The following GLRX5 variants were observed in gnomAD, a reference collection of about 807,000 sequenced individuals.
The protein encoded by GLRX5 is glutaredoxin-related protein 5, mitochondrial.
GLRX5 carries 10 observed loss-of-function variants against 13.8 expected under a neutral mutation model. The observed-to-expected ratio is 0.72, with a 90% confidence interval of 0.45 to 1.23. The LOEUF (loss-of-function observed/expected upper bound fraction) is 1.23, where lower values mean the gene tolerates loss of function less well. GLRX5 is among the 50% of genes most tolerant of loss of function. The pLI is 0.00. For synonymous variants in GLRX5, 98 were observed against 101.1 expected (o/e 0.97, Z 0.18); for missense variants, 233 against 215.2 (o/e 1.08, Z -0.52).
rs753153633 is a variant in GLRX5, at chr14:95,535,212, G to A, written c.123G>A (p.Ser41=). The A allele has an allele frequency of 5.9e-6, 9 of 1,527,818 alleles. No individual in the cohort carries two copies. The highest frequency in any genetic ancestry group is 2.1e-5 in the Admixed American group (1 of 48,312). 94.6% of individuals were successfully genotyped at this position (1,527,818 alleles called of 1,614,324 possible). A position where few individuals can be genotyped will look rare whatever the true frequency, so the allele number is the denominator to read the frequency against. The change falls in exon 1 of 2, where the codon TCG becomes TCA. Residue 41 remains serine, a synonymous_variant. Transcript: ENST00000331334. ...AAGSGAGGGG[S]AEQLDALVKK... is the part of the protein sequence containing the mutation. ...GCTCGGGCGCGGGCGGCGGCGGCTC[G>A]GCGGAGCAGTTGGACGCGCTGGTGA...
At chr14:95,535,967 G>C (rs1891369896) in intron 1 of GLRX5, among the ~76,000 whole-genome samples, 1 of 152,166 alleles carries the variant, frequency 6.6e-6, no homozygotes, top group South Asian at 2.1e-4. Flanking sequence ...GCAAAGGGTT[G>C]GGACAGCTGT....
At chr14:95,541,435 G>C (rs1566704630) in intron 1 of GLRX5, among the ~76,000 whole-genome samples, 3 of 152,282 alleles carry the variant, frequency 2.0e-5, no homozygotes, top group South Asian at 4.1e-4. Context: ...ATTAAGAAGG[G>C]TGCCAACGTT....
intron 1 of GLRX5, among the ~76,000 whole-genome samples, chr14:95,538,083 T>A (rs1049008436): frequency 5.3e-5 from 6 of 112,968 alleles, no homozygotes; most frequent in African/African-American, 1.7e-4. Flanking sequence ...AACATTTAGA[T>A]CTAGTTCCTA....
intron 1 of GLRX5, among the ~76,000 whole-genome samples, chr14:95,537,802 T>C (rs1004928942): frequency 3.9e-5 from 6 of 152,234 alleles, no homozygotes; most frequent in Non-Finnish European, 8.8e-5. Flanking sequence ...AGGAGTGTGA[T>C]ACAGACACAT....
At chr14:95,543,341 T>TTA (rs33934790) in intron 1 of GLRX5, 7 of 315,730 alleles carry the variant, frequency 2.2e-5, no homozygotes, top group South Asian at 4.9e-5. Flanking sequence ...TGTTAAAAAT[T>TTA]AAAAAAAAAA....
At chr14:95,537,148 T>C (rs970299771) in intron 1 of GLRX5, among the ~76,000 whole-genome samples, 2 of 152,252 alleles carry the variant, frequency 1.3e-5, no homozygotes, top group African/African-American at 2.4e-5. Context: ...TAGTATCATG[T>C]TTCGAGGGTC....
chr14:95,535,361 T>C lies in GLRX5; in HGVS notation c.272T>C (p.Leu91Pro). The part of the protein sequence containing the change: ...GVRDYAAYNV[L>P]DDPELRQGIK... ...CGCGATTACGCGGCCTACAACGTGC[T>C]GGACGACCCGGAGCTCCGACAAGGT... Residue 91 changes from leucine (L) to proline (P), a missense_variant, in exon 1 of 2, where the codon CTG becomes CCG. Transcript: ENST00000331334. 2 of 1,552,172 alleles carry C rather than the reference T, an allele frequency of 1.3e-6. No homozygotes were observed. The highest frequency in any genetic ancestry group is 8.7e-7 in the Non-Finnish European group (1 of 1,148,120).
chr14:95,536,125 T>G (rs1891373557), intron 1 of GLRX5, among the ~76,000 whole-genome samples: 1 of 152,164 alleles, frequency 6.6e-6, no homozygotes, highest in Admixed American at 6.5e-5. Context: ...GGCCCTGGGC[T>G]AACTCACTGG....
At chr14:95,536,052 C>T (rs1805554986) in intron 1 of GLRX5, among the ~76,000 whole-genome samples, 1 of 152,176 alleles carries the variant, frequency 6.6e-6, no homozygotes, top group Admixed American at 6.5e-5. Context: ...AAGCACAGGG[C>T]TGAATTTATG....
At chr14:95,539,343 T>C (rs143861510) in intron 1 of GLRX5, among the ~76,000 whole-genome samples, 3 of 152,312 alleles carry the variant, frequency 2.0e-5, no homozygotes, top group South Asian at 2.1e-4. Flanking sequence ...GGGATCTTGG[T>C]CTATTAGCAG....
intron 1 of GLRX5, among the ~76,000 whole-genome samples, chr14:95,538,519 G>A (rs1163854596): frequency 1.3e-5 from 2 of 152,222 alleles, no homozygotes; most frequent in Non-Finnish European, 2.9e-5. Flanking sequence ...TGGATAACAA[G>A]TTGTGTGTAT....
chr14:95,543,907 T>G (rs1340947356), intron 1 of GLRX5, 40 bp from the exon 2 acceptor site: 12 of 1,560,102 alleles, frequency 7.7e-6, no homozygotes, highest in Non-Finnish European at 1.1e-5. Flanking sequence ...TGGTTCAGCT[T>G]TTACCATTTA....
intron 1 of GLRX5, among the ~76,000 whole-genome samples, chr14:95,538,677 GGGGGA>G (rs1234137199): frequency 1.1e-4 from 17 of 152,298 alleles, no homozygotes; most frequent in African/African-American, 3.8e-4. Flanking sequence ...ATTCTAGAGA[GGGGGA>G]TCTGCAAACT....
Position 95,544,699 on chromosome 14 carries a change from A to C in GLRX5, c.*574A>C, listed in dbSNP as rs1029079168. 12 of 153,920 alleles carry C rather than the reference A, an allele frequency of 7.8e-5. No individual in the cohort carries two copies. Among genetic ancestry groups the C allele is most frequent in the African/African-American group, 2.7e-4 (11 of 41,434 alleles). 9.5% of individuals were successfully genotyped at this position (153,920 alleles called of 1,614,324 possible). On this transcript the variant is annotated 3_prime_UTR_variant, in exon 2 of 2. Coordinates refer to ENST00000331334, the MANE Select transcript of GLRX5 (RefSeq NM_016417.3). ...AGGGTGAGTCTCATATTCTTCTATT[A>C]AATTTGCCACAAGAATTGCCGTCGA... is the stretch of plus-strand genomic sequence containing the variant.
At position 95,544,384 on chromosome 14, in the gene GLRX5, T is replaced by C. The variant is rs1156763808; in HGVS notation, c.*259T>C. 3 of 491,284 alleles carry C rather than the reference T, an allele frequency of 6.1e-6. No homozygotes were observed. The highest frequency in any genetic ancestry group is 3.8e-5 in the African/African-American group (2 of 52,046). 30.4% of individuals were successfully genotyped at this position (491,284 alleles called of 1,614,324 possible). Reference sequence around the variant, plus strand: ...TTGCTGTAAACAAAATTCATTCTTATATTGTCACTTATTCTTTGCCTGATT... The same window carrying C: ...TTGCTGTAAACAAAATTCATTCTTACATTGTCACTTATTCTTTGCCTGATT... On this transcript the variant is annotated 3_prime_UTR_variant, in exon 2 of 2. Transcript: ENST00000331334.
chr14:95,535,321 C>T lies in GLRX5; in HGVS notation c.232C>T (p.Arg78Trp), dbSNP rs1419621485. ...CAGCAACGCCGTGGTGCAGATCCTGCGGCTGCACGGCGTCCGCGATTACGC... is the reference window on the plus strand; with the variant it reads ...CAGCAACGCCGTGGTGCAGATCCTGTGGCTGCACGGCGTCCGCGATTACGC... ...GFSNAVVQIL[R>W]LHGVRDYAAY... Residue 78 changes from arginine (R) to tryptophan (W), a missense_variant, in exon 1 of 2, where the codon CGG (arginine) becomes TGG (tryptophan). Arg to Trp is a moderately radical substitution (Grantham distance 101). Transcript: ENST00000331334. The T allele has an allele frequency of 5.8e-6, 9 of 1,555,268 alleles. No homozygotes were observed. In the East Asian group the frequency reaches 7.2e-5, roughly 12 times the overall value.
rs1213030905 is a variant in GLRX5, at chr14:95,535,402, G to A, written c.295+18G>A. On this transcript the variant is annotated intron_variant, in intron 1 of 1. Transcript: ENST00000331334. ...CCGACAAGGTCAGGCCAGTGTGCCGGGCAGGCGCCCTCCGCCCCGGGCCCA... is the reference window on the plus strand; with the variant it reads ...CCGACAAGGTCAGGCCAGTGTGCCGAGCAGGCGCCCTCCGCCCCGGGCCCA... The A allele has an allele frequency of 5.0e-5, 77 of 1,543,836 alleles. No individual in the cohort carries two copies. The Middle Eastern group carries it at 5.3e-4, about 11-fold the overall frequency.
Position 95,535,308 on chromosome 14 carries a change from G to A in GLRX5, c.219G>A (p.Val73=), listed in dbSNP as rs776282322. 8.3e-6 allele frequency: 13 copies of A among 1,559,840 alleles called. No individual in the cohort carries two copies. The East Asian group carries it at 2.8e-4, about 34-fold the overall frequency. The change falls in exon 1 of 2, where the codon GTG becomes GTA. Residue 73 remains valine, a synonymous_variant. Coordinates refer to ENST00000331334, the MANE Select transcript of GLRX5 (RefSeq NM_016417.3). The part of the protein sequence containing the change: ...EQPQCGFSNA[V]VQILRLHGVR... ...CCCAGTGCGGCTTCAGCAACGCCGTGGTGCAGATCCTGCGGCTGCACGGCG... is the reference window on the plus strand; with the variant it reads ...CCCAGTGCGGCTTCAGCAACGCCGTAGTGCAGATCCTGCGGCTGCACGGCG...
In GLRX5 at chr14:95,535,285, C is replaced by T. The variant is rs1891344496; in HGVS notation, c.196C>T (p.Gln66Ter). 1 of 1,567,682 alleles carries T rather than the reference C, an allele frequency of 6.4e-7. No individual in the cohort carries two copies. Among genetic ancestry groups the T allele is most frequent in the East Asian group, 2.3e-5 (1 of 43,164 alleles). Residue 66 changes from glutamine to a stop codon, truncating the protein, a stop_gained, in exon 1 of 2, where the codon CAG becomes TAG. Coordinates refer to ENST00000331334, the MANE Select transcript of GLRX5 (RefSeq NM_016417.3). LOFTEE classifies it high-confidence loss of function. ...CCTCAAGGGGACGCCGGAGCAGCCC[C>T]AGTGCGGCTTCAGCAACGCCGTGGT... ...VFLKGTPEQP[Q>*]CGFSNAVVQI...
Sources: gnomAD v4.1 joint callset for allele counts (sites outside exome capture counted in the v4.1 genomes callset) on GRCh38, gnomAD v4.1.1 for gene constraint, MANE v1.5 for transcripts, NCBI Gene and HGNC (gene_info 2026-07-23, HGNC 2026-07-21) for gene names.